The following HHATL variants were observed in gnomAD, a reference collection of about 807,000 sequenced individuals.
The protein encoded by HHATL is protein-cysteine N-palmitoyltransferase HHAT-like protein.
A neutral mutation model predicts 59.7 loss-of-function variants in HHATL; 49 were observed. That is an observed-to-expected ratio of 0.82 (90% CI 0.65 to 1.04). The LOEUF is 1.04. Among genes scored for constraint, HHATL ranks in the 50% least tolerant of loss-of-function variants. The pLI, the probability that HHATL is intolerant of heterozygous loss-of-function variation, is 0.00. For missense variants in HHATL, 605 were observed against 650.8 expected (o/e 0.93, Z 0.77); for synonymous variants, 238 against 257.3 (o/e 0.93, Z 0.72).
chr3:42,695,545 C>G (rs34378441), intron 9 of HHATL, among the ~76,000 whole-genome samples: 81,064 of 151,706 alleles, frequency 0.53, 22,373 homozygotes, highest in East Asian at 0.69. Flanking sequence ...CCTTGCTCTG[C>G]AAGGGCCACT....
At chr3:42,696,649 T>G (rs1036082744) in intron 9 of HHATL, among the ~76,000 whole-genome samples, 193 bp downstream of exon 9, 2 of 152,138 alleles carry the variant, frequency 1.3e-5, no homozygotes, top group Non-Finnish European at 2.9e-5. Context: ...ACCACCTCTC[T>G]CCACCTCGAG....
intron 9 of HHATL, among the ~76,000 whole-genome samples, chr3:42,695,085 C>G (rs1697546047): frequency 6.6e-6 from 1 of 152,214 alleles, no homozygotes; most frequent in African/African-American, 2.4e-5. Flanking sequence ...TAACCAGCCT[C>G]TCCATTCCTC....
intron 9 of HHATL, among the ~76,000 whole-genome samples, chr3:42,696,141 T>C (rs1322971117): frequency 6.6e-6 from 1 of 152,172 alleles, no homozygotes; most frequent in Non-Finnish European, 1.5e-5. Context: ...CAGTGGCATC[T>C]GACCAAGCTG....
Position 42,700,763 on chromosome 3 carries a change from C to T in HHATL, c.64G>A (p.Ala22Thr), listed in dbSNP as rs1167597016. The T allele has an allele frequency of 2.5e-6, 4 of 1,613,684 alleles. No individual in the cohort carries two copies. Among genetic ancestry groups the T allele is most frequent in the Non-Finnish European group, 2.5e-6 (3 of 1,179,806 alleles). The change falls in exon 2 of 12, where the codon GCC (alanine) becomes ACC (threonine). Residue 22 changes from alanine (A) to threonine (T), a missense_variant. Coordinates refer to ENST00000441594, the MANE Select transcript of HHATL (RefSeq NM_020707.4). ...AGGCCCCGGCCAGCATAGGCCAGGGCCCCACTCAGCACCAGAGAGTAGAGG... is the reference window on the plus strand; with the variant it reads ...AGGCCCCGGCCAGCATAGGCCAGGGTCCCACTCAGCACCAGAGAGTAGAGG... The part of the protein sequence containing the change: ...LGLYSLVLSG[A>T]LAYAGRGLLE...
chr3:42,699,886 C>T (rs1330965845), intron 2 of HHATL, 61 bp from the exon 3 acceptor site: 19 of 1,427,384 alleles, frequency 1.3e-5, no homozygotes, highest in East Asian at 1.2e-4. Context: ...CACCTTCCCC[C>T]GTGGACAAGG....
intron 7 of HHATL, among the ~76,000 whole-genome samples, 155 bp from the exon 8 acceptor site, chr3:42,697,300 G>T: frequency 6.6e-6 from 1 of 152,312 alleles, no homozygotes; most frequent in South Asian, 2.1e-4. Context: ...CTGGTGAAGT[G>T]GGTGGGGTCC....
In HHATL at chr3:42,693,826, A is replaced by C; in HGVS notation, c.1047-8T>G. On this transcript the variant is annotated splice_region_variant and splice_polypyrimidine_tract_variant and intron_variant, in intron 9 of 11. Transcript: ENST00000441594. Reference sequence around the variant, plus strand: ...ATGTGGTTATACACATATCTGCAGGAAAGATGGGAGAAGGGCCACTGGGAG... The same window carrying C: ...ATGTGGTTATACACATATCTGCAGGCAAGATGGGAGAAGGGCCACTGGGAG... 4 of 1,611,320 alleles carry C rather than the reference A, an allele frequency of 2.5e-6. No homozygotes were observed. Among genetic ancestry groups the C allele is most frequent in the Non-Finnish European group, 3.4e-6 (4 of 1,178,384 alleles).
intron 10 of HHATL, 135 bp downstream of exon 10, chr3:42,693,482 G>T: frequency 2.4e-6 from 2 of 834,576 alleles, no homozygotes; most frequent in Middle Eastern, 3.6e-4. Context: ...GTGAGCCATT[G>T]CTCTGACAAC....
chr3:42,698,511 G>T (rs1162998839), intron 5 of HHATL, among the ~76,000 whole-genome samples, 160 bp from the exon 6 acceptor site: 1 of 146,388 alleles, frequency 6.8e-6, no homozygotes, highest in African/African-American at 2.6e-5. Context: ...TCCCAGCAAT[G>T]CGAGGAGCAG....
chr3:42,698,821 CA>C lies in HHATL; in HGVS notation c.369del (p.Gly124ValfsTer34). The C allele has an allele frequency of 6.2e-7, 1 of 1,613,934 alleles. No individual in the cohort carries two copies. Reference protein sequence around the residue: ...TMGPWYLLLLLGHCVGLYVAS... With the variant: ...TMGPWYLLLLXGHCVGLYVAS... ...GCCACATAGAGGCCCACACAGTGACCAAGCAGCAGCAGCAGGTACCAAGGGC... is the reference window on the plus strand; with the variant it reads ...GCCACATAGAGGCCCACACAGTGACCAGCAGCAGCAGCAGGTACCAAGGGC... On this transcript the variant is annotated frameshift_variant, in exon 5 of 12. Coordinates refer to ENST00000441594, the MANE Select transcript of HHATL (RefSeq NM_020707.4). LOFTEE classifies it high-confidence loss of function.
Position 42,701,675 on chromosome 3 carries a change from C to T in HHATL, c.-13-836G>A, listed in dbSNP as rs1697998654. Among the ~76,000 whole-genome samples, 1 of 152,220 alleles carries T rather than the reference C, an allele frequency of 6.6e-6. No individual in the cohort carries two copies. Among genetic ancestry groups the T allele is most frequent in the Non-Finnish European group, 1.5e-5 (1 of 68,038 alleles). Reference sequence around the variant, plus strand: ...GGCTGAGTCTCACCACTCCCTCCAGCGGGGGCCTAGCTTGTCCCCTGGAGA... The same window carrying T: ...GGCTGAGTCTCACCACTCCCTCCAGTGGGGGCCTAGCTTGTCCCCTGGAGA... On this transcript the variant is annotated intron_variant, in intron 1 of 11. Coordinates refer to ENST00000441594, the MANE Select transcript of HHATL (RefSeq NM_020707.4). The surrounding 1 kb of genome is among the most constrained non-coding windows in gnomAD (Gnocchi z 5.1).
At position 42,692,836 on chromosome 3, in the gene HHATL, T is replaced by C. The variant is rs1173305647; in HGVS notation, c.1430A>G (p.Tyr477Cys). The change falls in exon 12 of 12, where the codon TAC (tyrosine) becomes TGC (cysteine). Residue 477 changes from tyrosine to cysteine, a missense_variant. Physicochemically the swap from Tyr to Cys is radical, Grantham distance 194. Transcript: ENST00000441594. ...CTCCTTTACCAGCTGGACGCCACAG[T>C]AGGTGACAAACAGGATGGACAGCGT... ...QTTLSILFVTYCGVQLVKERE... is the reference protein window; with the variant it reads ...QTTLSILFVTCCGVQLVKERE... 6.2e-6 allele frequency: 10 copies of C among 1,614,066 alleles called. No homozygotes were observed. The highest frequency in any genetic ancestry group is 5.3e-5 in the African/African-American group (4 of 74,930).
In HHATL at chr3:42,693,299, C is replaced by T. The variant is rs1697435686; in HGVS notation, c.1249-81G>A. 2.6e-6 allele frequency: 4 copies of T among 1,558,688 alleles called. No individual in the cohort carries two copies. In the East Asian group the frequency reaches 6.8e-5, roughly 26 times the overall value. On this transcript the variant is annotated intron_variant, in intron 10 of 11. Coordinates refer to ENST00000441594, the MANE Select transcript of HHATL (RefSeq NM_020707.4). ...ATGGTGGGTCAGCAGCCTTACCCAC[C>T]TGGCCAGTCAGGTCTTGGGGCTATG...
intron 4 of HHATL, 42 bp downstream of exon 4, chr3:42,698,990 G>A (rs1575242000): frequency 1.2e-6 from 2 of 1,611,834 alleles, no homozygotes; most frequent in Admixed American, 1.7e-5. Flanking sequence ...TGGTGAAAGA[G>A]GAGCTGGCAG....
At chr3:42,696,535 C>T (rs9811777) in intron 9 of HHATL, among the ~76,000 whole-genome samples, 1,729 of 152,242 alleles carry the variant, frequency 0.011, 36 homozygotes, top group African/African-American at 0.04. Context: ...CTCCATCCTC[C>T]CAGGCTGCAG....
intron 2 of HHATL, 113 bp downstream of exon 2, chr3:42,700,608 A>G: frequency 1.5e-6 from 1 of 656,488 alleles, no homozygotes; most frequent in Non-Finnish European, 2.7e-6. Context: ...GCCGTGTTCT[A>G]GAAGGAGTAC....
chr3:42,692,677 CT>C lies in HHATL; in HGVS notation c.*73del. 6.2e-7 allele frequency: 1 copy of C among 1,606,188 alleles called. No individual in the cohort carries two copies. Among genetic ancestry groups the C allele is most frequent in the Non-Finnish European group, 8.5e-7 (1 of 1,175,660 alleles). On this transcript the variant is annotated 3_prime_UTR_variant, in exon 12 of 12. Transcript: ENST00000441594. ...AACAGCCAAGCTGTTGTAGAAAAGT[CT>C]TTTATTCTATCGGTCAGGCCCCATC...
chr3:42,692,993 G>A (rs765059578), intron 11 of HHATL, 84 bp downstream of exon 11: 8 of 1,592,058 alleles, frequency 5.0e-6, no homozygotes, highest in African/African-American at 1.3e-5. Context: ...GGGGTGATGA[G>A]GGAGATAGGA....
In HHATL at chr3:42,696,822, C is replaced by G. The variant is rs750119312; in HGVS notation, c.1046+20G>C. The G allele has an allele frequency of 6.2e-7, 1 of 1,613,324 alleles. No individual in the cohort carries two copies. Among genetic ancestry groups the G allele is most frequent in the Non-Finnish European group, 8.5e-7 (1 of 1,179,598 alleles). On this transcript the variant is annotated intron_variant, in intron 9 of 11. Coordinates refer to ENST00000441594, the MANE Select transcript of HHATL (RefSeq NM_020707.4). ...ACCTGGCAGGATGGCTGTGACCACC[C>G]CCACCCCACTCCTACTCACTTGCAA...
Sources: allele counts gnomAD v4.1 joint callset (sites outside exome capture counted in the v4.1 genomes callset), GRCh38; gene constraint gnomAD v4.1.1; non-coding constraint Gnocchi (gnomAD v3.1); transcripts MANE v1.5; gene names NCBI Gene and HGNC (gene_info 2026-07-23, HGNC 2026-07-21).